Variants in CDH12 observed in about 807,000 individuals in gnomAD.
CDH12 encodes cadherin-12.
In CDH12, 41 loss-of-function variants were observed where a neutral mutation model predicts 74.1. The ratio of observed to expected loss-of-function variants is 0.55; its 90% confidence interval spans 0.43 to 0.72. The LOEUF (loss-of-function observed/expected upper bound fraction) is 0.72. Among genes scored for constraint, CDH12 ranks in the 30% least tolerant of loss-of-function variants. The probability of loss-of-function intolerance (pLI) is 0.00; values close to 1 mark genes in which losing one functional copy is unlikely to be tolerated. For missense variants in CDH12, 945 were observed against 977.2 expected, an observed-to-expected ratio of 0.97 and a Z score of 0.44; for synonymous variants, 399 against 355.0, an observed-to-expected ratio of 1.12 and a Z score of -1.39.
chr5:22,362,275 T>C (rs1475731496), intron 3 of CDH12, among the ~76,000 whole-genome samples: 2 of 152,090 alleles, frequency 1.3e-5, no homozygotes, highest in Non-Finnish European at 2.9e-5. Context: ...GTGAAGGATA[T>C]GAACAGACAC....
intron 7 of CDH12, among the ~76,000 whole-genome samples, chr5:21,849,071 G>A (rs188646170): frequency 2.6e-5 from 4 of 151,944 alleles, no homozygotes. Context: ...ACAATCTAAT[G>A]AGTTATCATT....
intron 6 of CDH12, among the ~76,000 whole-genome samples, chr5:21,904,817 A>G (rs1753562594): frequency 6.6e-6 from 1 of 152,026 alleles, no homozygotes; most frequent in Non-Finnish European, 1.5e-5. Context: ...AGAAAGAAAA[A>G]GGAAAAGGAA....
At chr5:22,117,458 T>TATTA (rs1491584785) in intron 4 of CDH12, among the ~76,000 whole-genome samples, 1 of 75,490 alleles carries the variant, frequency 1.3e-5, no homozygotes, top group African/African-American at 5.3e-5. Context: ...AATATATATA[T>TATTA]TATATATATA....
chr5:21,939,617 T>A (rs576700944), intron 6 of CDH12, among the ~76,000 whole-genome samples: 2 of 152,210 alleles, frequency 1.3e-5, no homozygotes, highest in African/African-American at 4.8e-5. Flanking sequence ...AAAAAATGAA[T>A]CTCAGTTACT....
intron 1 of CDH12, among the ~76,000 whole-genome samples, chr5:22,600,647 G>T (rs1159944287): frequency 3.3e-5 from 5 of 151,312 alleles, no homozygotes; most frequent in African/African-American, 1.2e-4. Flanking sequence ...ATATGTATTT[G>T]GTATTATTGA....
At chr5:21,954,431 T>A (rs1340512303) in intron 6 of CDH12, among the ~76,000 whole-genome samples, 1 of 152,080 alleles carries the variant, frequency 6.6e-6, no homozygotes, top group African/African-American at 2.4e-5. Flanking sequence ...AAATTAATGT[T>A]GAATCATTAT....
At chr5:21,906,466 A>C (rs1753646015) in intron 6 of CDH12, among the ~76,000 whole-genome samples, 1 of 152,188 alleles carries the variant, frequency 6.6e-6, no homozygotes, top group Admixed American at 6.5e-5. Flanking sequence ...CTCTTGCCAC[A>C]TTACTCTTAA....
chr5:21,916,624 C>G (rs1396736632), intron 6 of CDH12, among the ~76,000 whole-genome samples: 2 of 152,148 alleles, frequency 1.3e-5, no homozygotes, highest in South Asian at 2.1e-4. Flanking sequence ...TTCTCCTCCC[C>G]TAGTAAGTGA....
chr5:22,169,911 A>T (rs1748921547), intron 4 of CDH12, among the ~76,000 whole-genome samples: 1 of 151,916 alleles, frequency 6.6e-6, no homozygotes, highest in Non-Finnish European at 1.5e-5. Context: ...TATAGGTTCT[A>T]TACTTGTTAA....
chr5:22,422,598 T>G (rs532193022), intron 2 of CDH12, among the ~76,000 whole-genome samples: 1 of 152,300 alleles, frequency 6.6e-6, no homozygotes, highest in East Asian at 1.9e-4. Flanking sequence ...TTGTATAATA[T>G]TACCATGGAT....
intron 1 of CDH12, among the ~76,000 whole-genome samples, chr5:22,529,106 A>ATATATATTCATATACATGTG (rs1737433125): frequency 9.2e-6 from 1 of 108,800 alleles, no homozygotes; most frequent in South Asian, 2.7e-4. Flanking sequence ...GAATATATGC[A>ATATATATTCATATACATGTG]TATATATGCA....
intron 3 of CDH12, among the ~76,000 whole-genome samples, chr5:22,241,747 A>C (rs1392566520): frequency 6.6e-6 from 1 of 152,006 alleles, no homozygotes; most frequent in African/African-American, 2.4e-5. Context: ...TTAAAATATT[A>C]TTGATAAATA....
chr5:22,675,073 A>C (rs775891210), intron 1 of CDH12, among the ~76,000 whole-genome samples: 2 of 152,204 alleles, frequency 1.3e-5, no homozygotes, highest in Non-Finnish European at 2.9e-5. Flanking sequence ...AGTGTTAATC[A>C]CCAAGACAAT....
intron 1 of CDH12, among the ~76,000 whole-genome samples, chr5:22,829,858 G>C (rs1350718953): frequency 6.6e-6 from 1 of 152,178 alleles, no homozygotes; most frequent in Non-Finnish European, 1.5e-5. Flanking sequence ...GAGAATAAAA[G>C]TTGGTTGTGG....
chr5:21,884,029 C>T, intron 6 of CDH12: 1 of 1,464,078 alleles, frequency 6.8e-7, no homozygotes, highest in Non-Finnish European at 9.6e-7. Flanking sequence ...ATGACCACTG[C>T]TACGAATGCA....
intron 6 of CDH12, among the ~76,000 whole-genome samples, chr5:21,940,958 C>T (rs1421417082): frequency 1.3e-5 from 2 of 152,060 alleles, no homozygotes; most frequent in Non-Finnish European, 2.9e-5. Context: ...CACAATTTGT[C>T]GGTAAACCAT....
At chr5:21,945,162 C>G (rs1755513269) in intron 6 of CDH12, among the ~76,000 whole-genome samples, 1 of 152,082 alleles carries the variant, frequency 6.6e-6, no homozygotes, top group African/African-American at 2.4e-5. Context: ...CAGTGGCTCA[C>G]ACCTGTAATC....
chr5:22,047,296 C>A (rs1053052188), intron 5 of CDH12, among the ~76,000 whole-genome samples: 2 of 152,034 alleles, frequency 1.3e-5, no homozygotes, highest in Non-Finnish European at 2.9e-5. Context: ...AACTTATAGA[C>A]CCTTGTTTGT....
chr5:22,635,643 C>T (rs936718184), intron 1 of CDH12, among the ~76,000 whole-genome samples: 12 of 152,212 alleles, frequency 7.9e-5, no homozygotes, highest in South Asian at 2.1e-4. Flanking sequence ...AGTCTGGGCG[C>T]GGTGGCTCAA....
Sources: gnomAD v4.1 joint callset for allele counts (sites outside exome capture counted in the v4.1 genomes callset) on GRCh38, gnomAD v4.1.1 for gene constraint, MANE v1.5 for transcripts, NCBI Gene and HGNC (gene_info 2026-07-23, HGNC 2026-07-21) for gene names.